CTIF: variants seen among roughly 807,000 people sequenced by gnomAD.
CTIF encodes CBP80/20-dependent translation initiation factor.
CTIF carries 21 observed loss-of-function variants against 66.0 expected under a neutral mutation model. The observed-to-expected ratio is 0.32, with a 90% confidence interval of 0.23 to 0.46. The LOEUF is 0.46. Ranked by LOEUF, CTIF falls within the 20% of genes least tolerant of loss-of-function variation. The probability of loss-of-function intolerance (pLI) is 1.00; values close to 1 mark genes in which losing one functional copy is unlikely to be tolerated. For synonymous variants in CTIF, 345 were observed against 326.4 expected (o/e 1.06, Z -0.62); for missense variants, 739 against 812.7 (o/e 0.91, Z 1.10).
intron 10 of CTIF, among the ~76,000 whole-genome samples, chr18:48,836,461 G>T (rs571329626): frequency 1.3e-5 from 2 of 152,114 alleles, no homozygotes; most frequent in Admixed American, 6.5e-5. Context: ...CCTAAGATGC[G>T]TATGGGGCAG....
chr18:48,585,986 T>A (rs73956932), intron 1 of CTIF, among the ~76,000 whole-genome samples: 3,165 of 152,334 alleles, frequency 0.021, 110 homozygotes, highest in African/African-American at 0.072. Flanking sequence ...CTCTTGCTTC[T>A]GTGTGTTGTG....
chr18:48,849,696 C>T (rs2069158262), intron 10 of CTIF, among the ~76,000 whole-genome samples: 1 of 151,276 alleles, frequency 6.6e-6, no homozygotes, highest in South Asian at 2.1e-4. Context: ...AGCAATTCTC[C>T]TGCCTCAGCC....
intron 1 of CTIF, among the ~76,000 whole-genome samples, chr18:48,614,145 A>G (rs2090356860): frequency 6.6e-6 from 1 of 152,150 alleles, no homozygotes; most frequent in African/African-American, 2.4e-5. Flanking sequence ...CAGCTTAGCC[A>G]GCAGCCCAGC....
chr18:48,565,183 G>C (rs1457072596), intron 1 of CTIF: 1 of 152,136 alleles, frequency 6.6e-6, no homozygotes, highest in African/African-American at 2.4e-5. Flanking sequence ...GTGATGTGGA[G>C]ACTTTGCAAG....
chr18:48,606,103 G>A (rs1028849871), intron 1 of CTIF, among the ~76,000 whole-genome samples: 1 of 152,188 alleles, frequency 6.6e-6, no homozygotes, highest in Non-Finnish European at 1.5e-5. Context: ...AGTGGATATG[G>A]CTTGCAAATA....
At chr18:48,819,282 C>G (rs1446913912) in intron 10 of CTIF, among the ~76,000 whole-genome samples, 1 of 152,210 alleles carries the variant, frequency 6.6e-6, no homozygotes, top group African/African-American at 2.4e-5. Context: ...CTTTTTGCAC[C>G]CTTTGGAATG....
chr18:48,644,868 A>AG (rs552570413), intron 3 of CTIF, among the ~76,000 whole-genome samples: 1 of 152,356 alleles, frequency 6.6e-6, no homozygotes, highest in East Asian at 1.9e-4. Context: ...ACCTGGGTTT[A>AG]GGAGATGTGC....
In CTIF at chr18:48,862,696, G is replaced by A. The variant is rs1459441320; in HGVS notation, c.*3137G>A. 1 of 152,600 alleles carries A rather than the reference G, an allele frequency of 6.6e-6. No individual in the cohort carries two copies. The highest frequency in any genetic ancestry group is 1.5e-5 in the Non-Finnish European group (1 of 68,068). The allele number at this position is 152,600 out of a possible 1,614,324, so 9.5% of individuals were successfully genotyped here. Reference sequence around the variant, plus strand: ...TATTCTATTATTTTCTCCGAGGGATGAGGGTGGGGGGTGTGGGAAGGGTAC... The same window carrying A: ...TATTCTATTATTTTCTCCGAGGGATAAGGGTGGGGGGTGTGGGAAGGGTAC... On this transcript the variant is annotated 3_prime_UTR_variant, in exon 12 of 12. Coordinates refer to ENST00000256413, the MANE Select transcript of CTIF (RefSeq NM_014772.3).
chr18:48,803,083 T>TC (rs1334845168), intron 9 of CTIF, among the ~76,000 whole-genome samples: 1 of 152,058 alleles, frequency 6.6e-6, no homozygotes, highest in Non-Finnish European at 1.5e-5. Context: ...CCCAGCGCCA[T>TC]CCCCCCGCCT....
chr18:48,577,504 T>A (rs1054426993), intron 1 of CTIF, among the ~76,000 whole-genome samples: 24 of 152,316 alleles, frequency 1.6e-4, no homozygotes, highest in African/African-American at 5.1e-4. Context: ...AGATAAAAGC[T>A]TTTTTGAGAT....
chr18:48,795,235 G>C (rs1253239825), intron 9 of CTIF, among the ~76,000 whole-genome samples: 1 of 152,148 alleles, frequency 6.6e-6, no homozygotes, highest in Non-Finnish European at 1.5e-5. Flanking sequence ...CATGGAGGCT[G>C]TCATTTCAAG....
chr18:48,678,966 C>T (rs2091693177), intron 6 of CTIF, among the ~76,000 whole-genome samples: 1 of 152,224 alleles, frequency 6.6e-6, no homozygotes, highest in African/African-American at 2.4e-5. Flanking sequence ...TCACTTGCTT[C>T]CTGTCTGTGA....
At chr18:48,653,648 A>G (rs2091196488) in intron 3 of CTIF, among the ~76,000 whole-genome samples, 1 of 152,222 alleles carries the variant, frequency 6.6e-6, no homozygotes. Context: ...ATGGAACCAA[A>G]AAAGAGCCCG....
In CTIF at chr18:48,761,433, T is replaced by A; in HGVS notation, c.1115T>A (p.Met372Lys). ...ACGACCACTCCCCAGCAGAACAAGA[T>A]GGACAAGCTGATCGAGATCCTGAAC... ...VETTTPQQNKMDKLIEILNSM... is the reference protein window; with the variant it reads ...VETTTPQQNKKDKLIEILNSM... The change falls in exon 9 of 12, where the codon ATG becomes AAG. Residue 372 changes from methionine to lysine, a missense_variant. Coordinates refer to ENST00000256413, the MANE Select transcript of CTIF (RefSeq NM_014772.3). The surrounding 1 kb of genome is among the most constrained non-coding windows in gnomAD (Gnocchi z 4.2). The A allele has an allele frequency of 6.2e-7, 1 of 1,614,020 alleles. No homozygotes were observed. Among genetic ancestry groups the A allele is most frequent in the Non-Finnish European group, 8.5e-7 (1 of 1,180,028 alleles).
rs2091106843 is a variant in CTIF at position 48,649,098 on chromosome 18, ACT to A, written c.252+12414_252+12415del. Among the ~76,000 whole-genome samples, 3 of 152,224 alleles carry A rather than the reference ACT, an allele frequency of 2.0e-5. No homozygotes were observed. The South Asian group carries it at 6.2e-4, about 32-fold the overall frequency. ...GAGGCACCTGGTTCATCTCACTGGG[ACT>A]GGTTGGACAGTGGACGCAGCCCACA... On this transcript the variant is annotated intron_variant, in intron 3 of 11. Coordinates refer to ENST00000256413, the MANE Select transcript of CTIF (RefSeq NM_014772.3).
At chr18:48,717,329 C>T (rs1433257798) in intron 7 of CTIF, among the ~76,000 whole-genome samples, 2 of 151,544 alleles carry the variant, frequency 1.3e-5, no homozygotes, top group Non-Finnish European at 1.5e-5. Flanking sequence ...ACCTGGGAGG[C>T]GGAGGTTGCA....
chr18:48,735,454 G>A (rs2092492446), intron 7 of CTIF, among the ~76,000 whole-genome samples: 1 of 152,354 alleles, frequency 6.6e-6, no homozygotes, highest in African/African-American at 2.4e-5. Flanking sequence ...AAGTCCAAGA[G>A]AGCGTGTTGC....
chr18:48,851,336 CAG>C (rs1202160375), intron 10 of CTIF, among the ~76,000 whole-genome samples: 1 of 152,204 alleles, frequency 6.6e-6, no homozygotes, highest in Non-Finnish European at 1.5e-5. Context: ...AGCCCCATCA[CAG>C]AAAGTGGAAG....
chr18:48,598,074 G>A (rs1034585170), intron 1 of CTIF, among the ~76,000 whole-genome samples: 1 of 152,284 alleles, frequency 6.6e-6, no homozygotes, highest in South Asian at 2.1e-4. Flanking sequence ...TAGACTTCCA[G>A]TGGGCCTGCA....
Sources: allele counts gnomAD v4.1 joint callset (sites outside exome capture counted in the v4.1 genomes callset), GRCh38; gene constraint gnomAD v4.1.1; non-coding constraint Gnocchi (gnomAD v3.1); transcripts MANE v1.5; gene names NCBI Gene and HGNC (gene_info 2026-07-23, HGNC 2026-07-21).